Variants in UBE2E2 observed in about 807,000 individuals in gnomAD.
UBE2E2 encodes ubiquitin-conjugating enzyme E2 E2.
UBE2E2 carries 6 observed loss-of-function variants against 24.7 expected under a neutral mutation model. The ratio of observed to expected loss-of-function variants is 0.24; its 90% CI spans 0.13 to 0.48. The LOEUF is 0.48. Among genes scored for constraint, UBE2E2 ranks in the 20% least tolerant of loss-of-function variants. UBE2E2 has a pLI of 0.99. For synonymous variants in UBE2E2, 104 were observed against 83.6 expected (o/e 1.24, Z -1.33); for missense variants, 169 against 245.0 (o/e 0.69, Z 2.07).
chr3:23,515,403 A>G (rs1216387398), intron 4 of UBE2E2, among the ~76,000 whole-genome samples: 1 of 152,098 alleles, frequency 6.6e-6, no homozygotes, highest in Non-Finnish European at 1.5e-5. Context: ...TTCTCAAGGA[A>G]GTATTATTTA....
chr3:23,585,388 A>G (rs2125521574), intron 5 of UBE2E2, among the ~76,000 whole-genome samples: 1 of 151,736 alleles, frequency 6.6e-6, no homozygotes, highest in African/African-American at 2.4e-5. Flanking sequence ...AAAAAAAAAA[A>G]AGACATGATT....
intron 3 of UBE2E2, among the ~76,000 whole-genome samples, chr3:23,235,766 G>C (rs1326186307): frequency 6.6e-6 from 1 of 152,130 alleles, no homozygotes; most frequent in African/African-American, 2.4e-5. Context: ...GTTTGAGTCT[G>C]TTGGGGAAAT....
At chr3:23,413,012 C>T (rs115929907) in intron 3 of UBE2E2, among the ~76,000 whole-genome samples, 1,852 of 135,106 alleles carry the variant, frequency 0.014, 40 homozygotes, top group African/African-American at 0.05. Flanking sequence ...TTGAAAGACA[C>T]AGGAAGGGGA....
chr3:23,266,921 C>T (rs1386276056), intron 3 of UBE2E2, among the ~76,000 whole-genome samples: 1 of 152,196 alleles, frequency 6.6e-6, no homozygotes, highest in East Asian at 1.9e-4. Flanking sequence ...CATGCAACTA[C>T]ATGGAAACTG....
intron 3 of UBE2E2, among the ~76,000 whole-genome samples, chr3:23,286,992 A>C (rs1698629908): frequency 1.3e-5 from 2 of 152,198 alleles, no homozygotes; most frequent in South Asian, 2.1e-4. Flanking sequence ...GAAAGTGGGT[A>C]TCCTTTTTAT....
chr3:23,522,077 C>T (rs530481885), intron 4 of UBE2E2, among the ~76,000 whole-genome samples: 27 of 151,652 alleles, frequency 1.8e-4, no homozygotes, highest in African/African-American at 4.1e-4. Flanking sequence ...TATTGGATAA[C>T]TTGTCCTAAG....
chr3:23,326,827 C>G (rs1365073277), intron 3 of UBE2E2, among the ~76,000 whole-genome samples: 1 of 152,156 alleles, frequency 6.6e-6, no homozygotes, highest in African/African-American at 2.4e-5. Flanking sequence ...TCCCCACTCC[C>G]CCCACCCCAC....
chr3:23,419,980 A>G (rs1015258683), intron 3 of UBE2E2, among the ~76,000 whole-genome samples: 1 of 152,172 alleles, frequency 6.6e-6, no homozygotes, highest in Admixed American at 6.5e-5. Flanking sequence ...AATGCCTACT[A>G]CTGGTGGGCT....
chr3:23,270,390 A>G (rs1389287463), intron 3 of UBE2E2, among the ~76,000 whole-genome samples: 1 of 151,488 alleles, frequency 6.6e-6, no homozygotes, highest in Non-Finnish European at 1.5e-5. Flanking sequence ...CCGTTCCTGC[A>G]CTCTTTTGTA....
At chr3:23,373,549 C>T (rs183182262) in intron 3 of UBE2E2, among the ~76,000 whole-genome samples, 2 of 152,172 alleles carry the variant, frequency 1.3e-5, no homozygotes, top group South Asian at 2.1e-4. Context: ...TGAGGGAGAC[C>T]GAGATTTCAC....
chr3:23,298,513 G>C (rs1279351066), intron 3 of UBE2E2, among the ~76,000 whole-genome samples: 2 of 152,070 alleles, frequency 1.3e-5, no homozygotes, highest in African/African-American at 4.8e-5. Context: ...GTTGAATTTT[G>C]TCAAAGGCCT....
chr3:23,560,528 C>T (rs551893164), intron 5 of UBE2E2, among the ~76,000 whole-genome samples: 5 of 151,982 alleles, frequency 3.3e-5, no homozygotes, highest in Non-Finnish European at 5.9e-5. Context: ...AATAAACATA[C>T]GTGTGCACGT....
At chr3:23,212,469 A>G (rs1040243943) in intron 2 of UBE2E2, among the ~76,000 whole-genome samples, 2 of 152,120 alleles carry the variant, frequency 1.3e-5, no homozygotes, top group African/African-American at 4.8e-5. Flanking sequence ...CTTTGAATTT[A>G]TTCTGCTGCT....
intron 3 of UBE2E2, among the ~76,000 whole-genome samples, chr3:23,364,805 C>T (rs1040556354): frequency 6.6e-6 from 1 of 152,062 alleles, no homozygotes; most frequent in African/African-American, 2.4e-5. Context: ...CAAAACCTGG[C>T]AGAGACACAA....
intron 3 of UBE2E2, among the ~76,000 whole-genome samples, chr3:23,313,234 T>G (rs977755194): frequency 6.6e-6 from 1 of 152,204 alleles, no homozygotes; most frequent in African/African-American, 2.4e-5. Flanking sequence ...CTTACAGTTT[T>G]TGTCTTGAAA....
At chr3:23,352,595 A>G (rs1288617552) in intron 3 of UBE2E2, among the ~76,000 whole-genome samples, 1 of 152,258 alleles carries the variant, frequency 6.6e-6, no homozygotes, top group Non-Finnish European at 1.5e-5. Flanking sequence ...ATCAGAGAAT[A>G]CTACAAACAC....
intron 3 of UBE2E2, among the ~76,000 whole-genome samples, chr3:23,498,443 C>CT (rs1265578897): frequency 6.6e-6 from 1 of 152,136 alleles, no homozygotes; most frequent in Admixed American, 6.5e-5. Context: ...TTAAAATCAA[C>CT]TTGTCGAGTT....
At chr3:23,209,163 A>G (rs750759966) in intron 2 of UBE2E2, among the ~76,000 whole-genome samples, 5 of 152,174 alleles carry the variant, frequency 3.3e-5, no homozygotes, top group Non-Finnish European at 5.9e-5. Context: ...AAATTGCAGT[A>G]GTTTCATTTA....
At chr3:23,585,673 C>G (rs1487199374) in intron 5 of UBE2E2, among the ~76,000 whole-genome samples, 4 of 152,098 alleles carry the variant, frequency 2.6e-5, no homozygotes, top group Non-Finnish European at 4.4e-5. Flanking sequence ...TACTTATCTA[C>G]TGATAAATTT....
Sources: gnomAD v4.1 joint callset for allele counts (sites outside exome capture counted in the v4.1 genomes callset) on GRCh38, gnomAD v4.1.1 for gene constraint, MANE v1.5 for transcripts, NCBI Gene and HGNC (gene_info 2026-07-23, HGNC 2026-07-21) for gene names.